Variants in MYO10 observed in about 807,000 individuals in gnomAD.
MYO10 encodes the protein unconventional myosin-X.
In MYO10, 133 loss-of-function variants were observed where a neutral mutation model predicts 257.3. The observed-to-expected ratio is 0.52, with a 90% CI of 0.45 to 0.60. The LOEUF (loss-of-function observed/expected upper bound fraction) is 0.60. MYO10 is among the 20% of genes least tolerant of loss of function. MYO10 has a pLI of 0.00. For missense variants in MYO10, 2,399 were observed against 2,635.7 expected, an observed-to-expected ratio of 0.91 and a Z score of 1.97; for synonymous variants, 1,104 against 1,028.6, an observed-to-expected ratio of 1.07 and a Z score of -1.40.
Position 16,818,408 on chromosome 5 carries a change from GTGTATATA to G in MYO10, c.121-249_121-242del, listed in dbSNP as rs1561000897. Among the ~76,000 whole-genome samples, 8 of 93,516 alleles carry G rather than the reference GTGTATATA, an allele frequency of 8.6e-5. No homozygotes were observed. The East Asian group carries it at 1.7e-3, about 20-fold the overall frequency. 61.4% of individuals were successfully genotyped at this position (93,516 alleles called of 152,430 possible). ...TGTGTGTGTGTGTGTGTGTGTGTGT[GTGTATATA>G]TATATATATACACATATCTTTGTTG... On this transcript the variant is annotated intron_variant, in intron 2 of 40. Coordinates refer to ENST00000513610, the MANE Select transcript of MYO10 (RefSeq NM_012334.3).
At chr5:16,893,771 T>TA (rs1745140271) in intron 1 of MYO10, among the ~76,000 whole-genome samples, 2 of 150,264 alleles carry the variant, frequency 1.3e-5, no homozygotes, top group Non-Finnish European at 3.0e-5. Flanking sequence ...AATAAATAAA[T>TA]AAATAAGTGG....
chr5:16,666,785 A>G lies in MYO10; in HGVS notation c.6084T>C (p.Asp2028=), dbSNP rs763492194. Residue 2028 remains aspartate, a synonymous_variant, in exon 41 of 41, where the codon GAT becomes GAC. Transcript: ENST00000513610. Reference sequence around the variant, plus strand: ...TGTAGGCTTTCATGAGCTTGGCCACATCCACCACCTGCCCAGGGGGAAGCA... The same window carrying G: ...TGTAGGCTTTCATGAGCTTGGCCACGTCCACCACCTGCCCAGGGGGAAGCA... ...ELLFETSEVV[D]VAKLMKAYIS... is the part of the protein sequence containing the mutation. 2 of 1,601,680 alleles carry G rather than the reference A, an allele frequency of 1.2e-6. No individual in the cohort carries two copies. Among genetic ancestry groups the G allele is most frequent in the East Asian group, 4.5e-5 (2 of 44,632 alleles).
intron 26 of MYO10, among the ~76,000 whole-genome samples, chr5:16,695,093 GGAGGCC>G (rs1737680708): frequency 6.6e-6 from 1 of 152,202 alleles, no homozygotes; most frequent in East Asian, 1.9e-4. Flanking sequence ...CAGCACTTTG[GGAGGCC>G]GAGGCGGGTG....
intron 4 of MYO10, among the ~76,000 whole-genome samples, chr5:16,790,368 G>T (rs1741714847): frequency 6.6e-6 from 1 of 152,076 alleles, no homozygotes; most frequent in African/African-American, 2.4e-5. Flanking sequence ...ACCTTAAGAA[G>T]TCATATGTAC....
At chr5:16,934,588 T>C (rs1746382412) in intron 1 of MYO10, among the ~76,000 whole-genome samples, 1 of 152,222 alleles carries the variant, frequency 6.6e-6, no homozygotes, top group African/African-American at 2.4e-5. Flanking sequence ...TTTCACTTTT[T>C]TTAAGAAAAG....
At position 16,769,825 on chromosome 5, in the gene MYO10, A is replaced by G. The variant is rs572828917; in HGVS notation, c.931-622T>C. 2.6e-5 allele frequency among the ~76,000 whole-genome samples: 4 copies of G among 152,348 alleles called. No homozygotes were observed. In the South Asian group the frequency reaches 8.3e-4, roughly 32 times the overall value. ...AGTCACAGTCATGACAACAATAAAG[A>G]AACAGTTTTCTGTACAGCTATCAGA... is the stretch of plus-strand genomic sequence containing the variant. On this transcript the variant is annotated intron_variant, in intron 9 of 40. Transcript: ENST00000513610.
rs373889548 is a variant in MYO10 at position 16,804,149 on chromosome 5, GCCTCATCA to G, written c.280-9324_280-9317del. Among the ~76,000 whole-genome samples, 64 of 152,062 alleles carry G rather than the reference GCCTCATCA, an allele frequency of 4.2e-4. 1 individual carries two copies. The highest frequency in any genetic ancestry group is 9.9e-4 in the African/African-American group (41 of 41,316). Reference sequence around the variant, plus strand: ...CCCATCCACCCACAGGGCTCTGTCAGCCTCATCACCTCATCACCTCATCACCATGGCTG... The same window carrying G: ...CCCATCCACCCACAGGGCTCTGTCAGCCTCATCACCTCATCACCATGGCTG... On this transcript the variant is annotated intron_variant, in intron 3 of 40. Transcript: ENST00000513610.
At chr5:16,880,481 T>C (rs1744727670) in intron 1 of MYO10, among the ~76,000 whole-genome samples, 1 of 152,002 alleles carries the variant, frequency 6.6e-6, no homozygotes, top group South Asian at 2.1e-4. Context: ...TAGGCACTCA[T>C]TTCCCTGGTA....
At chr5:16,820,358 T>C (rs1315182988) in intron 2 of MYO10, among the ~76,000 whole-genome samples, 1 of 152,134 alleles carries the variant, frequency 6.6e-6, no homozygotes, top group Admixed American at 6.5e-5. Context: ...GGTACTTGCG[T>C]CTTCCAAAGA....
chr5:16,760,962 ATAT>A (rs149691790), intron 17 of MYO10, among the ~76,000 whole-genome samples: 2,502 of 150,648 alleles, frequency 0.017, 67 homozygotes, highest in African/African-American at 0.058. Context: ...GTCATTGCTT[ATAT>A]TATTATTATT....
chr5:16,778,777 G>A (rs895695427), intron 9 of MYO10, among the ~76,000 whole-genome samples: 1 of 141,262 alleles, frequency 7.1e-6, no homozygotes, highest in African/African-American at 2.7e-5. Context: ...TGCAAGCTCC[G>A]CCTCCCGGGT....
At chr5:16,851,894 T>C (rs1436674038) in intron 2 of MYO10, among the ~76,000 whole-genome samples, 1 of 150,848 alleles carries the variant, frequency 6.6e-6, no homozygotes, top group Non-Finnish European at 1.5e-5. Flanking sequence ...GTACTAAAAA[T>C]ACAAAAATTA....
rs577225783 is a variant in MYO10, at chr5:16,816,571, G to A, written c.279+1438C>T. On this transcript the variant is annotated intron_variant, in intron 3 of 40. Transcript: ENST00000513610. ...TTTTTTGAGATGGAGTCTTGCTGTC[G>A]CCTGGTTGGAGTGCAGTGGTGCGAT... 7.4e-5 allele frequency among the ~76,000 whole-genome samples: 11 copies of A among 148,876 alleles called. No homozygotes were observed. The South Asian group carries it at 1.1e-3, about 14-fold the overall frequency.
intron 1 of MYO10, chr5:16,902,743 C>A (rs1255923173): frequency 1.4e-6 from 1 of 702,016 alleles, no homozygotes; most frequent in Non-Finnish European, 2.5e-6. Flanking sequence ...CTCAGGTGAT[C>A]CACCCGCCTT....
Position 16,739,791 on chromosome 5 carries a change from G to A in MYO10, c.1929+15037C>T, listed in dbSNP as rs970177174. 4.6e-5 allele frequency among the ~76,000 whole-genome samples: 7 copies of A among 152,094 alleles called. No individual in the cohort carries two copies. In the South Asian group the frequency reaches 8.3e-4, roughly 18 times the overall value. ...GTATATACACAACAAATATAAAGAG[G>A]GTTGTCTCTGGCTGGTAAAATTATG... On this transcript the variant is annotated intron_variant, in intron 19 of 40. Transcript: ENST00000513610.
chr5:16,826,852 C>A (rs1743016460), intron 2 of MYO10, among the ~76,000 whole-genome samples: 1 of 152,138 alleles, frequency 6.6e-6, no homozygotes, highest in East Asian at 1.9e-4. Flanking sequence ...GTTAAGATAT[C>A]TGCCTCCTGA....
chr5:16,905,706 C>T (rs1399967435), intron 1 of MYO10, among the ~76,000 whole-genome samples: 1 of 152,172 alleles, frequency 6.6e-6, no homozygotes, highest in Non-Finnish European at 1.5e-5. Context: ...CCCAGTGACA[C>T]CAAGCGATCT....
intron 2 of MYO10, among the ~76,000 whole-genome samples, chr5:16,874,949 G>T (rs1744557494): frequency 6.6e-6 from 1 of 152,184 alleles, no homozygotes; most frequent in South Asian, 2.1e-4. Context: ...GGAGGCAAAA[G>T]GAACTTCTTA....
intron 19 of MYO10, among the ~76,000 whole-genome samples, chr5:16,752,237 C>T (rs565345460): frequency 6.6e-6 from 1 of 152,278 alleles, no homozygotes; most frequent in Admixed American, 6.5e-5. Context: ...TAGACTATGG[C>T]TCACCAGAAA....
Sources: allele counts gnomAD v4.1 joint callset (sites outside exome capture counted in the v4.1 genomes callset), GRCh38; gene constraint gnomAD v4.1.1; transcripts MANE v1.5; gene names NCBI Gene and HGNC (gene_info 2026-07-23, HGNC 2026-07-21).